Variants in SRPK2 observed in about 807,000 individuals in gnomAD.
SRPK2 encodes SRSF protein kinase 2, also known as SFRS protein kinase 2.
Under a neutral mutation model 90.8 loss-of-function variants are expected in SRPK2, and 21 were observed. That is an observed-to-expected ratio of 0.23 (90% CI 0.16 to 0.33). The LOEUF (loss-of-function observed/expected upper bound fraction) is 0.33. Among genes scored for constraint, SRPK2 ranks in the 10% least tolerant of loss-of-function variants. The probability of loss-of-function intolerance (pLI) is 1.00; values close to 1 mark genes in which losing one functional copy is unlikely to be tolerated. For missense variants in SRPK2, 620 were observed against 869.0 expected (o/e 0.71, Z 3.60); for synonymous variants, 288 against 311.1 (o/e 0.93, Z 0.78).
At chr7:105,331,121 G>A (rs2131691159) in intron 2 of SRPK2, among the ~76,000 whole-genome samples, 1 of 151,946 alleles carries the variant, frequency 6.6e-6, no homozygotes, top group Admixed American at 6.6e-5. Context: ...GACCATCATG[G>A]TGAAACCCCA....
intron 7 of SRPK2, among the ~76,000 whole-genome samples, chr7:105,149,352 T>G (rs543723225): frequency 6.0e-4 from 92 of 152,304 alleles, no homozygotes; most frequent in South Asian, 1.2e-3. Flanking sequence ...GCACGTCCAG[T>G]CATAGTACCT....
At chr7:105,227,893 C>CAAAAAAAA (rs566478716) in intron 2 of SRPK2, among the ~76,000 whole-genome samples, 3 of 84,688 alleles carry the variant, frequency 3.5e-5, no homozygotes, top group Non-Finnish European at 7.4e-5. Flanking sequence ...TATCATTCAG[C>CAAAAAAAA]AAAAAAAAAA....
At chr7:105,339,420 T>C (rs930146722) in intron 2 of SRPK2, among the ~76,000 whole-genome samples, 1 of 152,200 alleles carries the variant, frequency 6.6e-6, no homozygotes, top group African/African-American at 2.4e-5. Flanking sequence ...AAGAATATAA[T>C]GATTAAGAGA....
chr7:105,236,184 G>C (rs1800114798), intron 2 of SRPK2, among the ~76,000 whole-genome samples: 1 of 152,204 alleles, frequency 6.6e-6, no homozygotes, highest in African/African-American at 2.4e-5. Flanking sequence ...CTCTGATCTA[G>C]ATTATGCTAG....
At chr7:105,275,476 A>T (rs1264723890) in intron 2 of SRPK2, among the ~76,000 whole-genome samples, 1 of 152,066 alleles carries the variant, frequency 6.6e-6, no homozygotes, top group Non-Finnish European at 1.5e-5. Context: ...TCTTCCTCAT[A>T]ACTCTTTTAT....
At chr7:105,390,607 G>GTTTT (rs869259356), upstream of SRPK2, among the ~76,000 whole-genome samples, 1,682 of 108,710 alleles carry the variant, frequency 0.015, 90 homozygotes, top group African/African-American at 0.034. Flanking sequence ...TTTTGTTTTT[G>GTTTT]TTTTTTTTTT....
At chr7:105,379,664 T>A (rs941629734) in intron 2 of SRPK2, among the ~76,000 whole-genome samples, 1 of 152,058 alleles carries the variant, frequency 6.6e-6, no homozygotes, top group East Asian at 1.9e-4. Flanking sequence ...GTAAAAAAAA[T>A]CATCAAACTG....
At chr7:105,280,851 G>C (rs899414931) in intron 2 of SRPK2, among the ~76,000 whole-genome samples, 1 of 146,968 alleles carries the variant, frequency 6.8e-6, no homozygotes, top group African/African-American at 2.5e-5. Flanking sequence ...GGAGGCTGAC[G>C]CAGGAGAATG....
At position 105,224,008 on chromosome 7, in the gene SRPK2, G is replaced by T. The variant is rs534010791; in HGVS notation, c.72-20223C>A. Among the ~76,000 whole-genome samples the T allele has an allele frequency of 4.0e-3, 613 of 152,140 alleles. 3 individuals are homozygous for T. The highest frequency in any genetic ancestry group is 6.8e-3 in the Middle Eastern group (2 of 294). On this transcript the variant is annotated intron_variant, in intron 2 of 15. Coordinates refer to ENST00000393651, the MANE Select transcript of SRPK2 (RefSeq NM_182692.3). Reference sequence around the variant, plus strand: ...TATATATTCCCCACCTGGAATTTTTGATTAAATTCTGAAACAGAGCTCTAG... The same window carrying T: ...TATATATTCCCCACCTGGAATTTTTTATTAAATTCTGAAACAGAGCTCTAG...
chr7:105,254,150 A>G (rs916630986), intron 2 of SRPK2, among the ~76,000 whole-genome samples: 1 of 152,244 alleles, frequency 6.6e-6, no homozygotes, highest in Non-Finnish European at 1.5e-5. Flanking sequence ...ACCTCGTTAC[A>G]GCTGATTGTA....
intron 7 of SRPK2, among the ~76,000 whole-genome samples, chr7:105,146,985 A>G: frequency 6.6e-6 from 1 of 152,236 alleles, no homozygotes; most frequent in East Asian, 1.9e-4. Context: ...CTCCTGAGAC[A>G]GCAAGACCAA....
chr7:105,231,998 T>C (rs556391229), intron 2 of SRPK2, among the ~76,000 whole-genome samples: 4 of 152,254 alleles, frequency 2.6e-5, no homozygotes, highest in East Asian at 1.9e-4. Context: ...GCTGGAACCA[T>C]AGGCACTTGC....
At chr7:105,326,640 T>C (rs925633643) in intron 2 of SRPK2, among the ~76,000 whole-genome samples, 3 of 152,206 alleles carry the variant, frequency 2.0e-5, no homozygotes, top group Non-Finnish European at 4.4e-5. Context: ...ATTACAGTAA[T>C]GTTTCAAAAG....
At chr7:105,170,890 A>G (rs534652988) in intron 3 of SRPK2, among the ~76,000 whole-genome samples, 3 of 109,382 alleles carry the variant, frequency 2.7e-5, no homozygotes, top group East Asian at 2.6e-4. Flanking sequence ...AAAGAAAGAA[A>G]GAAAGAAAGA....
At position 105,253,087 on chromosome 7, in the gene SRPK2, T is replaced by C. The variant is rs533648535; in HGVS notation, c.72-49302A>G. Among the ~76,000 whole-genome samples, 14 of 152,296 alleles carry C rather than the reference T, an allele frequency of 9.2e-5. No homozygotes were observed. In the South Asian group the frequency reaches 2.9e-3, roughly 32 times the overall value. On this transcript the variant is annotated intron_variant, in intron 2 of 15. Coordinates refer to ENST00000393651, the MANE Select transcript of SRPK2 (RefSeq NM_182692.3). ...TAGGATTTCTTTAATCATAATTAAC[T>C]GCGTAAAACCTAGGAAAAAAATACG...
chr7:105,285,423 A>AAAAC (rs1161091847), intron 2 of SRPK2, among the ~76,000 whole-genome samples: 3 of 152,042 alleles, frequency 2.0e-5, no homozygotes, highest in Admixed American at 1.3e-4. Context: ...AGGAAAAGAA[A>AAAAC]AAAGAAACAG....
At chr7:105,287,556 C>A (rs1808338059) in intron 2 of SRPK2, among the ~76,000 whole-genome samples, 1 of 151,864 alleles carries the variant, frequency 6.6e-6, no homozygotes, top group Non-Finnish European at 1.5e-5. Flanking sequence ...GGCCAAATGA[C>A]AAAACCCCGT....
intron 2 of SRPK2, among the ~76,000 whole-genome samples, chr7:105,242,345 C>T (rs1800924723): frequency 6.6e-6 from 1 of 152,088 alleles, no homozygotes; most frequent in Admixed American, 6.5e-5. Flanking sequence ...AACCCCATCT[C>T]TACTAAAAAT....
chr7:105,229,889 A>T (rs963787963), intron 2 of SRPK2, among the ~76,000 whole-genome samples: 4 of 152,196 alleles, frequency 2.6e-5, no homozygotes, highest in African/African-American at 7.2e-5. Context: ...TCAAGGCAAA[A>T]ACTGCACGAC....
Sources: allele counts gnomAD v4.1 joint callset (sites outside exome capture counted in the v4.1 genomes callset), GRCh38; gene constraint gnomAD v4.1.1; transcripts MANE v1.5; gene names NCBI Gene and HGNC (gene_info 2026-07-23, HGNC 2026-07-21).